PRDM16: variants seen among roughly 807,000 people sequenced by gnomAD.
PRDM16 encodes PR/SET domain 16.
A neutral mutation model predicts 110.6 loss-of-function variants in PRDM16; 23 were observed. The ratio of observed to expected loss-of-function variants is 0.21; its 90% CI spans 0.15 to 0.29. PRDM16 has a LOEUF of 0.29. Among genes scored for constraint, PRDM16 ranks in the 10% least tolerant of loss-of-function variants. The pLI, the probability that PRDM16 is intolerant of heterozygous loss-of-function variation, is 1.00. For missense variants in PRDM16, 1,615 were observed against 1,794.3 expected (o/e 0.90, Z 1.81); for synonymous variants, 799 against 781.8 (o/e 1.02, Z -0.37).
intron 10 of PRDM16, 49 bp from the exon 11 acceptor site, chr1:3,417,779 A>G (rs1370144539): frequency 6.4e-7 from 1 of 1,554,450 alleles, no homozygotes; most frequent in South Asian, 1.1e-5. Context: ...GCCCCTGAAG[A>G]CAGGTGAGAG....
intron 1 of PRDM16, among the ~76,000 whole-genome samples, chr1:3,071,325 C>T (rs1406878082): frequency 1.3e-5 from 2 of 152,272 alleles, no homozygotes; most frequent in African/African-American, 2.4e-5. Context: ...AGAAGTGGTG[C>T]CTGGCAGCCA....
chr1:3,241,729 G>GACGCTC (rs1479875359), intron 2 of PRDM16, among the ~76,000 whole-genome samples: 1 of 152,246 alleles, frequency 6.6e-6, no homozygotes, highest in Non-Finnish European at 1.5e-5. Flanking sequence ...ATCCCACCCG[G>GACGCTC]ACGCTCGGAG....
At chr1:3,181,073 C>A (rs1251535506) in intron 1 of PRDM16, among the ~76,000 whole-genome samples, 2 of 138,818 alleles carry the variant, frequency 1.4e-5, no homozygotes, top group Non-Finnish European at 3.2e-5. Flanking sequence ...CTTACACACC[C>A]GGTCTTACAC....
intron 1 of PRDM16, among the ~76,000 whole-genome samples, chr1:3,095,535 G>A (rs1642376483): frequency 6.6e-6 from 1 of 152,120 alleles, no homozygotes. Flanking sequence ...GCCTCATGGG[G>A]GGCCGGGCTC....
Position 3,265,131 on chromosome 1 carries a change from C to T in PRDM16, c.438+20994C>T, listed in dbSNP as rs764990677. Among the ~76,000 whole-genome samples, 4 of 152,062 alleles carry T rather than the reference C, an allele frequency of 2.6e-5. No homozygotes were observed. The highest frequency in any genetic ancestry group is 7.2e-5 in the African/African-American group (3 of 41,398). ...GGCAGCCCTGGAATCCCTGGTGCCA[C>T]CTATTGAGGCCGAGGCGAGCGGGCT... is the stretch of plus-strand genomic sequence containing the variant. On this transcript the variant is annotated intron_variant, in intron 3 of 16. Coordinates refer to ENST00000270722, the MANE Select transcript of PRDM16 (RefSeq NM_022114.4). The surrounding 1 kb of genome is among the most constrained non-coding windows in gnomAD (Gnocchi z 4.5).
chr1:3,415,012 G>A (rs1186477529), intron 10 of PRDM16, among the ~76,000 whole-genome samples: 1 of 152,204 alleles, frequency 6.6e-6, no homozygotes, highest in Non-Finnish European at 1.5e-5. Flanking sequence ...CACAGCGTGG[G>A]CGCTCTCTCT....
At chr1:3,431,204 C>G in intron 15 of PRDM16, 96 bp downstream of exon 15, 2 of 1,479,126 alleles carry the variant, frequency 1.4e-6, no homozygotes, top group South Asian at 2.7e-5. Flanking sequence ...TGAGCCCATC[C>G]CTGGCTCAGC....
At chr1:3,226,436 A>C (rs1465106618) in intron 2 of PRDM16, among the ~76,000 whole-genome samples, 2 of 152,118 alleles carry the variant, frequency 1.3e-5, no homozygotes, top group Non-Finnish European at 2.9e-5. Flanking sequence ...ATCTGGCCCC[A>C]TCTTGGCCGT....
intron 9 of PRDM16, 103 bp downstream of exon 9, chr1:3,412,903 C>T (rs995504799): frequency 4.9e-5 from 49 of 990,858 alleles, no homozygotes; most frequent in South Asian, 1.1e-4. Flanking sequence ...CCTCCAAGGT[C>T]GTCCCCCGGC....
intron 8 of PRDM16, among the ~76,000 whole-genome samples, chr1:3,409,138 TGTGA>T (rs1337465144): frequency 2.7e-5 from 4 of 148,896 alleles, no homozygotes; most frequent in African/African-American, 9.9e-5. Context: ...CATGTGAGTG[TGTGA>T]GTGTGGGTGT....
chr1:3,397,953 G>T (rs1569678092), intron 5 of PRDM16, among the ~76,000 whole-genome samples: 2 of 152,278 alleles, frequency 1.3e-5, no homozygotes, highest in South Asian at 4.1e-4. Flanking sequence ...GAAAGGAAAT[G>T]ACCACAGAAG....
At chr1:3,189,656 A>G (rs1638248214) in intron 2 of PRDM16, among the ~76,000 whole-genome samples, 1 of 152,230 alleles carries the variant, frequency 6.6e-6, no homozygotes, top group Admixed American at 6.5e-5. Context: ...AGTAAAGATA[A>G]CAAGCAAAAT....
At chr1:3,367,780 C>T (rs1169243853) in intron 3 of PRDM16, among the ~76,000 whole-genome samples, 2 of 152,174 alleles carry the variant, frequency 1.3e-5, no homozygotes, top group Non-Finnish European at 2.9e-5. Context: ...GTAGTGAGTA[C>T]ACTGATTTTC....
rs930749511 is a variant in PRDM16, at chr1:3,209,518, C to T, written c.387+23044C>T. ...CCAGGCCTGGGTGTGGAATAGGCCT[C>T]GCTGGGAGGCCGTGGTTCTGCTCCT... is the stretch of plus-strand genomic sequence containing the variant. On this transcript the variant is annotated intron_variant, in intron 2 of 16. Coordinates refer to ENST00000270722, the MANE Select transcript of PRDM16 (RefSeq NM_022114.4). The surrounding 1 kb of genome is among the most constrained non-coding windows in gnomAD (Gnocchi z 4.6). 1.3e-5 allele frequency among the ~76,000 whole-genome samples: 2 copies of T among 152,190 alleles called. No homozygotes were observed. The highest frequency in any genetic ancestry group is 2.4e-5 in the African/African-American group (1 of 41,444).
chr1:3,163,419 C>A (rs1002180501), intron 1 of PRDM16, among the ~76,000 whole-genome samples: 1 of 152,192 alleles, frequency 6.6e-6, no homozygotes, highest in Non-Finnish European at 1.5e-5. Context: ...ATCTCCAAGG[C>A]GTGCACAGCC....
At chr1:3,429,875 C>A (rs561785173) in intron 14 of PRDM16, among the ~76,000 whole-genome samples, 12 of 152,340 alleles carry the variant, frequency 7.9e-5, no homozygotes, top group African/African-American at 2.9e-4. Flanking sequence ...GGAGGTCGGT[C>A]GCCGTGAGAC....
At chr1:3,386,144 G>A (rs954832403) in intron 4 of PRDM16, among the ~76,000 whole-genome samples, 3 of 149,520 alleles carry the variant, frequency 2.0e-5, no homozygotes, top group Non-Finnish European at 4.4e-5. Context: ...TGCGTTCCTC[G>A]GGGTGCCCGG....
chr1:3,194,986 G>T (rs1638428729), intron 2 of PRDM16, among the ~76,000 whole-genome samples: 1 of 152,214 alleles, frequency 6.6e-6, no homozygotes, highest in Non-Finnish European at 1.5e-5. Context: ...CCCCACTCAG[G>T]AGCTTCTGGA....
intron 2 of PRDM16, among the ~76,000 whole-genome samples, chr1:3,224,348 A>G (rs1180377745): frequency 6.6e-6 from 1 of 152,198 alleles, no homozygotes; most frequent in African/African-American, 2.4e-5. Flanking sequence ...GTGCCGTGTT[A>G]TGGGTCAGGC....
Sources: gnomAD v4.1 joint callset for allele counts (sites outside exome capture counted in the v4.1 genomes callset) on GRCh38, gnomAD v4.1.1 for gene constraint, Gnocchi (gnomAD v3.1) non-coding constraint, MANE v1.5 for transcripts, NCBI Gene and HGNC (gene_info 2026-07-23, HGNC 2026-07-21) for gene names.